The following AMPH variants were observed in gnomAD, a reference collection of about 807,000 sequenced individuals.
AMPH encodes amphiphysin.
AMPH carries 49 observed loss-of-function variants against 99.1 expected under a neutral mutation model. That is an observed-to-expected ratio of 0.49 (90% CI 0.39 to 0.63). AMPH has a LOEUF of 0.63. Among genes scored for constraint, AMPH ranks in the 20% least tolerant of loss-of-function variants. The pLI, the probability that AMPH is intolerant of heterozygous loss-of-function variation, is 0.00. For missense variants in AMPH, 759 were observed against 863.4 expected (o/e 0.88, Z 1.52); for synonymous variants, 314 against 317.3 (o/e 0.99, Z 0.11).
intron 17 of AMPH, among the ~76,000 whole-genome samples, chr7:38,413,566 T>G (rs1785274634): frequency 6.6e-6 from 1 of 152,150 alleles, no homozygotes; most frequent in Admixed American, 6.5e-5. Flanking sequence ...ACTTATTTAG[T>G]TTGAGGGGCA....
chr7:38,432,131 G>A (rs776029364), intron 13 of AMPH, 58 bp downstream of exon 13: 2 of 1,416,578 alleles, frequency 1.4e-6, no homozygotes, highest in Non-Finnish European at 2.0e-6. Context: ...AATATAACAA[G>A]GTTTCCAAAT....
At chr7:38,413,555 C>T (rs938390997) in intron 17 of AMPH, among the ~76,000 whole-genome samples, 1 of 152,090 alleles carries the variant, frequency 6.6e-6, no homozygotes, top group Admixed American at 6.5e-5. Context: ...GAGAAACAGA[C>T]ACTTATTTAG....
chr7:38,493,762 T>TAGTCAA (rs1788816202), intron 4 of AMPH, among the ~76,000 whole-genome samples: 2 of 152,114 alleles, frequency 1.3e-5, no homozygotes, highest in South Asian at 4.1e-4. Context: ...GTCCCTGCAT[T>TAGTCAA]TGGGGAGGCA....
intron 16 of AMPH, 123 bp from the exon 17 acceptor site, chr7:38,418,073 C>T (rs955449356): frequency 6.9e-6 from 8 of 1,161,756 alleles, no homozygotes; most frequent in East Asian, 2.6e-5. Flanking sequence ...TCATGAAATC[C>T]GTGCTGGAGA....
At chr7:38,548,148 C>T (rs892389569) in intron 1 of AMPH, among the ~76,000 whole-genome samples, 3 of 151,880 alleles carry the variant, frequency 2.0e-5, no homozygotes, top group Non-Finnish European at 4.4e-5. Context: ...CCTGCCTCAG[C>T]CTCCCGTTTA....
At chr7:38,446,530 T>A (rs2129001149) in intron 11 of AMPH, among the ~76,000 whole-genome samples, 1 of 152,346 alleles carries the variant, frequency 6.6e-6, no homozygotes, top group African/African-American at 2.4e-5. Context: ...TTTCTGATAC[T>A]ATATGATTCC....
intron 1 of AMPH, among the ~76,000 whole-genome samples, chr7:38,542,819 G>C (rs922721207): frequency 2.0e-5 from 3 of 152,024 alleles, no homozygotes; most frequent in Non-Finnish European, 4.4e-5. Flanking sequence ...AAATTGTCCG[G>C]GTGCAGTAGC....
At chr7:38,543,339 A>G (rs1187838404) in intron 1 of AMPH, among the ~76,000 whole-genome samples, 1 of 152,224 alleles carries the variant, frequency 6.6e-6, no homozygotes, top group Non-Finnish European at 1.5e-5. Context: ...GAAATTCCAC[A>G]AAACTCTACC....
At chr7:38,524,774 T>C (rs1790098745) in intron 2 of AMPH, among the ~76,000 whole-genome samples, 1 of 152,228 alleles carries the variant, frequency 6.6e-6, no homozygotes, top group South Asian at 2.1e-4. Flanking sequence ...TGGGAACTTT[T>C]ATTACAATAT....
chr7:38,385,046 G>A (rs1711835376), intron 20 of AMPH, 121 bp from the exon 21 acceptor site: 2 of 837,828 alleles, frequency 2.4e-6, no homozygotes, highest in Non-Finnish European at 3.9e-6. Context: ...TCACATTACA[G>A]GTAAAGTGCT....
intron 17 of AMPH, among the ~76,000 whole-genome samples, chr7:38,406,649 G>A (rs1784992495): frequency 6.6e-6 from 1 of 151,188 alleles, no homozygotes; most frequent in Non-Finnish European, 1.5e-5. Context: ...TCAGCTGCCA[G>A]CATGGCTGGA....
intron 2 of AMPH, among the ~76,000 whole-genome samples, chr7:38,530,384 A>G (rs1301203343): frequency 1.3e-5 from 2 of 152,318 alleles, no homozygotes; most frequent in South Asian, 2.1e-4. Flanking sequence ...AAGTTAGCCT[A>G]TCACTCAGTC....
intron 2 of AMPH, among the ~76,000 whole-genome samples, chr7:38,515,160 G>C (rs1789691785): frequency 6.6e-6 from 1 of 152,172 alleles, no homozygotes; most frequent in East Asian, 1.9e-4. Context: ...GGGAATCCTT[G>C]TTATACAGTA....
At chr7:38,538,368 G>A (rs1307036858) in intron 1 of AMPH, among the ~76,000 whole-genome samples, 1 of 152,216 alleles carries the variant, frequency 6.6e-6, no homozygotes, top group Non-Finnish European at 1.5e-5. Context: ...AGGGGCTGCA[G>A]GAATAACAGG....
chr7:38,421,325 A>G (rs1444317984), intron 16 of AMPH, among the ~76,000 whole-genome samples: 1 of 152,216 alleles, frequency 6.6e-6, no homozygotes, highest in East Asian at 1.9e-4. Flanking sequence ...TTCATGATTG[A>G]TAATTAAAAA....
At chr7:38,605,855 C>T (rs752235767) in intron 1 of AMPH, among the ~76,000 whole-genome samples, 3 of 152,136 alleles carry the variant, frequency 2.0e-5, no homozygotes, top group African/African-American at 7.2e-5. Flanking sequence ...GCATTACAGG[C>T]GTGAGCCACC....
rs771081904 is a variant in AMPH at position 38,461,340 on chromosome 7, G to A, written c.960C>T (p.Ile320=). Residue 320 remains isoleucine, a synonymous_variant, in exon 11 of 21, where the codon ATC becomes ATT. Transcript: ENST00000356264. Reference sequence around the variant, plus strand: ...CAAAGTTGTCCTCAAAGAAACTGATGATGTTCTCCTGCTGCAGTTCCTTTG... The same window carrying A: ...CAAAGTTGTCCTCAAAGAAACTGATAATGTTCTCCTGCTGCAGTTCCTTTG... The part of the protein sequence containing the change: ...TPTKELQQEN[I]ISFFEDNFVP... 2 of 1,614,022 alleles carry A rather than the reference G, an allele frequency of 1.2e-6. No individual in the cohort carries two copies. The highest frequency in any genetic ancestry group is 2.7e-5 in the African/African-American group (2 of 74,940).
intron 1 of AMPH, among the ~76,000 whole-genome samples, chr7:38,586,296 T>A (rs999669580): frequency 1.3e-5 from 2 of 152,234 alleles, no homozygotes; most frequent in Non-Finnish European, 2.9e-5. Context: ...TTGTGTCACA[T>A]GTCAATCTCA....
intron 17 of AMPH, among the ~76,000 whole-genome samples, chr7:38,404,461 C>T (rs1396231387): frequency 6.6e-6 from 1 of 152,034 alleles, no homozygotes; most frequent in Non-Finnish European, 1.5e-5. Context: ...GTTCATACAC[C>T]CAATATACTG....
Sources: gnomAD v4.1 joint callset for allele counts (sites outside exome capture counted in the v4.1 genomes callset) on GRCh38, gnomAD v4.1.1 for gene constraint, MANE v1.5 for transcripts, NCBI Gene and HGNC (gene_info 2026-07-23, HGNC 2026-07-21) for gene names.